U2SURP: variants seen among roughly 807,000 people sequenced by gnomAD.
The protein encoded by U2SURP is U2 snRNP-associated SURP motif-containing protein.
Under a neutral mutation model 144.9 loss-of-function variants are expected in U2SURP, and 9 were observed. That is an observed-to-expected ratio of 0.06 (90% CI 0.04 to 0.11). The LOEUF is 0.11. U2SURP is among the 10% of genes least tolerant of loss of function. The probability of loss-of-function intolerance (pLI) is 1.00; values close to 1 mark genes in which losing one functional copy is unlikely to be tolerated. For synonymous variants in U2SURP, 408 were observed against 396.8 expected (o/e 1.03, Z -0.33); for missense variants, 724 against 1,226.7 (o/e 0.59, Z 6.12).
chr3:143,046,314 T>A (rs12108122), intron 24 of U2SURP, among the ~76,000 whole-genome samples: 1 of 146,374 alleles, frequency 6.8e-6, no homozygotes, highest in African/African-American at 2.5e-5. Flanking sequence ...TTTATTTTTA[T>A]TTTTTTATTT....
chr3:143,026,413 A>G (rs1933149949), intron 13 of U2SURP: 2 of 152,160 alleles, frequency 1.3e-5, no homozygotes, highest in African/African-American at 4.8e-5. Flanking sequence ...CTTTGGCAAC[A>G]TAATTTCTTC....
In U2SURP at chr3:143,022,630, G is replaced by A. The variant is rs1936699362; in HGVS notation, c.986G>A (p.Arg329Lys). 6.2e-7 allele frequency: 1 copy of A among 1,613,468 alleles called. No homozygotes were observed. Among genetic ancestry groups the A allele is most frequent in the Admixed American group, 1.7e-5 (1 of 59,872 alleles). Residue 329 changes from arginine to lysine, a missense_variant, in exon 11 of 28, where the codon AGA becomes AAA. By Grantham distance (26) the Arg-to-Lys change is conservative. Around this residue, in one of 13 missense-constraint regions of U2SURP, gnomAD observed 16 missense variants for 18.0 expected, o/e 0.89. Coordinates refer to ENST00000473835, the MANE Select transcript of U2SURP (RefSeq NM_001080415.2). ...NCGFVAFMNR[R>K]DAERALKNLN... The stretch of plus-strand genomic sequence containing the variant: ...GGCTTTGTGGCCTTTATGAATAGAA[G>A]AGATGCTGAAAGAGCTTTAAAAAAT...
Position 143,056,536 on chromosome 3 carries a change from A to G in U2SURP, c.*86A>G. ...CTGTTTTTTAAAAAAACAAAAAATC[A>G]AATGAAAGAGCATTCCTGGGGTTTT... On this transcript the variant is annotated 3_prime_UTR_variant, in exon 28 of 28. Coordinates refer to ENST00000473835, the MANE Select transcript of U2SURP (RefSeq NM_001080415.2). 1.3e-6 allele frequency: 2 copies of G among 1,510,280 alleles called. No individual in the cohort carries two copies. The highest frequency in any genetic ancestry group is 1.8e-6 in the Non-Finnish European group (2 of 1,123,074). The allele number at this position is 1,510,280 out of a possible 1,614,324, so 93.6% of individuals were successfully genotyped here. A position where few individuals can be genotyped will look rare whatever the true frequency, so the allele number is the denominator to read the frequency against.
In U2SURP at chr3:143,012,278, C is replaced by T. The variant is rs1407541741; in HGVS notation, c.147C>T (p.Ser49=). 2 of 1,613,210 alleles carry T rather than the reference C, an allele frequency of 1.2e-6. No homozygotes were observed. The highest frequency in any genetic ancestry group is 1.7e-6 in the Non-Finnish European group (2 of 1,179,510). ...SDMPSRTRPK[S]PRKHNYRNES... is the part of the protein sequence containing the mutation. ...TGCCAAGTCGGACACGACCTAAGAG[C>T]CCAAGAAAACATAATTATAGGAATG... Residue 49 remains serine, a synonymous_variant, in exon 3 of 28, where the codon AGC becomes AGT. Coordinates refer to ENST00000473835, the MANE Select transcript of U2SURP (RefSeq NM_001080415.2).
At chr3:143,017,862 G>T (rs888154991) in intron 6 of U2SURP, among the ~76,000 whole-genome samples, 4 of 151,656 alleles carry the variant, frequency 2.6e-5, no homozygotes, top group Non-Finnish European at 5.9e-5. Flanking sequence ...GGACTCAAGC[G>T]ATTTGCCCAC....
intron 24 of U2SURP, among the ~76,000 whole-genome samples, chr3:143,049,019 C>T (rs1182648883): frequency 6.6e-6 from 1 of 151,416 alleles, no homozygotes; most frequent in African/African-American, 2.4e-5. Flanking sequence ...GTTTGGGAGG[C>T]CAAGCTGGGT....
At chr3:143,008,342 T>C (rs1004676747) in intron 1 of U2SURP, among the ~76,000 whole-genome samples, 5 of 152,192 alleles carry the variant, frequency 3.3e-5, no homozygotes, top group African/African-American at 1.2e-4. Flanking sequence ...ATCCTAGAAA[T>C]GATGATTTGG....
rs377462811 is a variant in U2SURP, at chr3:143,022,808, A to G, written c.1019-45A>G. The G allele has an allele frequency of 4.0e-5, 59 of 1,482,452 alleles. No homozygotes were observed. In the African/African-American group the frequency reaches 5.1e-4, roughly 13 times the overall value. The allele number at this position is 1,482,452 out of a possible 1,614,324, so 91.8% of individuals were successfully genotyped here. A position where few individuals can be genotyped will look rare whatever the true frequency, so the allele number is the denominator to read the frequency against. ...ACTCACCAGAAAAATTTTGTTTGGA[A>G]ACTTTTGAGAGTTAACAAAATGACC... On this transcript the variant is annotated intron_variant, in intron 11 of 27. Transcript: ENST00000473835.
chr3:143,010,328 A>G (rs1578113498), intron 1 of U2SURP, among the ~76,000 whole-genome samples: 1 of 152,238 alleles, frequency 6.6e-6, no homozygotes, highest in Non-Finnish European at 1.5e-5. Flanking sequence ...GGATTTGATA[A>G]TATTTTCTGG....
intron 22 of U2SURP, 105 bp from the exon 23 acceptor site, chr3:143,038,784 AAACTT>A (rs1343851570): frequency 5.5e-6 from 4 of 725,384 alleles, no homozygotes; most frequent in Non-Finnish European, 8.7e-6. Context: ...TAGATTAAAA[AAACTT>A]CTGTAATATA....
chr3:143,039,724 ACC>A (rs1019760619), intron 23 of U2SURP, among the ~76,000 whole-genome samples: 1 of 150,974 alleles, frequency 6.6e-6, no homozygotes, highest in Non-Finnish European at 1.5e-5. Context: ...CAAAGAGAAA[ACC>A]CCTGTGTGTC....
chr3:143,047,901 C>T (rs563972120), intron 24 of U2SURP, among the ~76,000 whole-genome samples: 3,351 of 151,344 alleles, frequency 0.022, 152 homozygotes, highest in African/African-American at 0.078. Context: ...AACCTCCCTC[C>T]CGGACGGGGT....
rs527432682 is a variant in U2SURP at position 143,051,757 on chromosome 3, C to T, written c.2655+708C>T. 2.0e-5 allele frequency among the ~76,000 whole-genome samples: 3 copies of T among 152,222 alleles called. No homozygotes were observed. The South Asian group carries it at 6.2e-4, about 32-fold the overall frequency. On this transcript the variant is annotated intron_variant, in intron 25 of 27. Transcript: ENST00000473835. ...GTCTGGTAAAGCAACTGTGGTGCTG[C>T]TCAGACCTGTGGAATGCTAGTACTG...
At chr3:143,050,813 T>C (rs1934818485) in intron 24 of U2SURP, 126 bp from the exon 25 acceptor site, 3 of 599,768 alleles carry the variant, frequency 5.0e-6, no homozygotes, top group African/African-American at 3.8e-5. Flanking sequence ...ACAAGTGGCC[T>C]TCAGGTGAGG....
At chr3:143,010,746 A>T in intron 1 of U2SURP, 69 bp from the exon 2 acceptor site, 1 of 1,245,698 alleles carries the variant, frequency 8.0e-7, no homozygotes, top group Non-Finnish European at 1.1e-6. Flanking sequence ...AAGTTTGTAT[A>T]ACACGAGAGA....
chr3:143,004,573 A>ACCCTC (rs1553834287), intron 1 of U2SURP, among the ~76,000 whole-genome samples: 6 of 48,590 alleles, frequency 1.2e-4, no homozygotes, highest in African/African-American at 6.9e-4. Context: ...TGACCTTGTG[A>ACCCTC]CCCCCCCCCC....
chr3:143,003,244 C>T (rs1935630191), intron 1 of U2SURP, among the ~76,000 whole-genome samples: 1 of 152,130 alleles, frequency 6.6e-6, no homozygotes, highest in Admixed American at 6.5e-5. Flanking sequence ...ATTATAATCT[C>T]TTGATGCTAT....
chr3:143,055,808 A>C (rs1235110684), intron 27 of U2SURP, among the ~76,000 whole-genome samples: 1 of 152,136 alleles, frequency 6.6e-6, no homozygotes, highest in Non-Finnish European at 1.5e-5. Flanking sequence ...GGTTTAAGTA[A>C]TCCTTCATGA....
intron 24 of U2SURP, among the ~76,000 whole-genome samples, chr3:143,049,538 C>T (rs1018347043): frequency 3.9e-5 from 6 of 152,140 alleles, no homozygotes; most frequent in Non-Finnish European, 7.4e-5. Flanking sequence ...AGATTGGCAG[C>T]CCAGTGGTAT....
Sources: allele counts gnomAD v4.1 joint callset (sites outside exome capture counted in the v4.1 genomes callset), GRCh38; gene constraint gnomAD v4.1.1; regional missense constraint gnomAD v4.1.1; transcripts MANE v1.5; gene names NCBI Gene and HGNC (gene_info 2026-07-23, HGNC 2026-07-21).